The following KCNMA1 variants were observed in gnomAD, a reference collection of about 807,000 sequenced individuals.
The protein encoded by KCNMA1 is Calcium-activated potassium channel subunit alpha-1.
In KCNMA1, 29 loss-of-function variants were observed where a neutral mutation model predicts 140.0. That is an observed-to-expected ratio of 0.21 (90% CI 0.15 to 0.28). The LOEUF is 0.28. KCNMA1 is among the 10% of genes least tolerant of loss of function. The probability of loss-of-function intolerance (pLI) is 1.00; values close to 1 mark genes in which losing one functional copy is unlikely to be tolerated. For missense variants in KCNMA1, 880 were observed against 1,602.2 expected (o/e 0.55, Z 7.70); for synonymous variants, 612 against 611.9 (o/e 1.00, Z 0.00).
chr10:77,217,535 G>A (rs1480046710), intron 3 of KCNMA1: 2 of 456,502 alleles, frequency 4.4e-6, no homozygotes, highest in Non-Finnish European at 8.8e-6. Flanking sequence ...TCAATATGTT[G>A]GTTTGCCATG....
intron 2 of KCNMA1, chr10:77,304,330 G>T (rs1177450420): frequency 6.6e-6 from 1 of 152,240 alleles, no homozygotes; most frequent in Non-Finnish European, 1.5e-5. Context: ...GTGTCTTAGA[G>T]ATTCTGAGTT....
At chr10:77,240,212 A>C (rs1025147273) in intron 3 of KCNMA1, among the ~76,000 whole-genome samples, 7 of 152,232 alleles carry the variant, frequency 4.6e-5, no homozygotes, top group African/African-American at 1.7e-4. Context: ...TTCTTAAACA[A>C]ACAGAGTGTA....
intron 5 of KCNMA1, among the ~76,000 whole-genome samples, chr10:77,150,986 C>T (rs1386959604): frequency 2.6e-5 from 4 of 152,162 alleles, no homozygotes; most frequent in Non-Finnish European, 2.9e-5. Context: ...TAATGTGGCT[C>T]TCTGCCTCTG....
intron 3 of KCNMA1, among the ~76,000 whole-genome samples, chr10:77,231,790 A>G (rs1249073216): frequency 3.3e-5 from 5 of 152,188 alleles, no homozygotes; most frequent in Non-Finnish European, 7.3e-5. Flanking sequence ...TATTCTCCAC[A>G]TCACAGTCAT....
intron 1 of KCNMA1, among the ~76,000 whole-genome samples, chr10:77,527,046 G>A (rs78686953): frequency 0.028 from 4,188 of 152,274 alleles, 104 homozygotes; most frequent in Middle Eastern, 0.068. Flanking sequence ...AAATAATGCC[G>A]ACACATACTT....
intron 2 of KCNMA1, among the ~76,000 whole-genome samples, chr10:77,337,827 C>T (rs959570356): frequency 6.6e-6 from 1 of 152,184 alleles, no homozygotes; most frequent in African/African-American, 2.4e-5. Flanking sequence ...GCAGAAGTGG[C>T]ATATGTCCCA....
intron 1 of KCNMA1, among the ~76,000 whole-genome samples, chr10:77,510,489 T>G (rs555686777): frequency 6.6e-6 from 1 of 152,252 alleles, no homozygotes. Flanking sequence ...TCTCTTCTCC[T>G]CAAACAAAGG....
intron 1 of KCNMA1, among the ~76,000 whole-genome samples, chr10:77,418,761 G>A (rs1255535184): frequency 6.6e-6 from 1 of 152,162 alleles, no homozygotes; most frequent in Non-Finnish European, 1.5e-5. Flanking sequence ...CTAAATTGGT[G>A]AATCTACTTG....
chr10:76,895,018 G>T (rs1207171086), intron 25 of KCNMA1, among the ~76,000 whole-genome samples: 1 of 152,178 alleles, frequency 6.6e-6, no homozygotes, highest in Non-Finnish European at 1.5e-5. Flanking sequence ...CCCTGGGCCT[G>T]GTAGTTAAAG....
chr10:77,353,971 G>T (rs1311339116), intron 2 of KCNMA1, among the ~76,000 whole-genome samples: 58 of 1,962 alleles, frequency 0.03, no homozygotes, highest in Non-Finnish European at 0.047. Flanking sequence ...CTCTTTTTTT[G>T]GGGGGGGGGG....
chr10:77,410,106 G>A (rs1358724739), intron 1 of KCNMA1, among the ~76,000 whole-genome samples: 2 of 152,234 alleles, frequency 1.3e-5, no homozygotes, highest in East Asian at 1.9e-4. Context: ...CTCACAGAAC[G>A]CAGGGCTCAA....
chr10:77,380,801 T>C (rs2095355749), intron 2 of KCNMA1, among the ~76,000 whole-genome samples: 1 of 152,222 alleles, frequency 6.6e-6, no homozygotes, highest in South Asian at 2.1e-4. Context: ...TGAAAGCTGT[T>C]GTCCCTGTTG....
intron 25 of KCNMA1, among the ~76,000 whole-genome samples, chr10:76,907,860 T>C (rs1017609946): frequency 1.3e-5 from 2 of 152,226 alleles, no homozygotes; most frequent in Non-Finnish European, 2.9e-5. Context: ...TTTGTTTTAA[T>C]ACTCTGCTGT....
chr10:77,350,717 T>C (rs1490622757), intron 2 of KCNMA1: 1 of 152,234 alleles, frequency 6.6e-6, no homozygotes, highest in Non-Finnish European at 1.5e-5. Flanking sequence ...TCACAGACCA[T>C]CCTCATATGG....
chr10:77,338,598 C>T (rs1603178430), intron 2 of KCNMA1, among the ~76,000 whole-genome samples: 1 of 152,122 alleles, frequency 6.6e-6, no homozygotes. Context: ...CCAGGGAGGA[C>T]CACTACAGAC....
At chr10:77,488,928 G>A (rs976348865) in intron 1 of KCNMA1, among the ~76,000 whole-genome samples, 1 of 152,188 alleles carries the variant, frequency 6.6e-6, no homozygotes, top group African/African-American at 2.4e-5. Flanking sequence ...TCAACTTACA[G>A]GCCCTTTAGC....
At chr10:77,524,205 G>T (rs1171940686) in intron 1 of KCNMA1, among the ~76,000 whole-genome samples, 2 of 152,206 alleles carry the variant, frequency 1.3e-5, no homozygotes, top group African/African-American at 4.8e-5. Context: ...GGGTTGTGGT[G>T]CAAAAATTCA....
chr10:77,383,778 T>A (rs1413194349), intron 2 of KCNMA1, among the ~76,000 whole-genome samples: 1 of 152,166 alleles, frequency 6.6e-6, no homozygotes, highest in East Asian at 1.9e-4. Flanking sequence ...GCACAGTCCT[T>A]GAACTCCTGG....
intron 1 of KCNMA1, among the ~76,000 whole-genome samples, chr10:77,625,386 A>G (rs2092343131): frequency 6.6e-6 from 1 of 152,170 alleles, no homozygotes; most frequent in African/African-American, 2.4e-5. Context: ...GCCAAAAAAA[A>G]AAGTACCATC....
Sources: gnomAD v4.1 joint callset for allele counts (sites outside exome capture counted in the v4.1 genomes callset) on GRCh38, gnomAD v4.1.1 for gene constraint, MANE v1.5 for transcripts, NCBI Gene and HGNC (gene_info 2026-07-23, HGNC 2026-07-21) for gene names.